Variants in MAP3K1 observed in about 807,000 individuals in gnomAD.
The protein encoded by MAP3K1 is MAP/ERK kinase kinase 1.
MAP3K1 carries 36 observed loss-of-function variants against 144.2 expected under a neutral mutation model. The ratio of observed to expected loss-of-function variants is 0.25; its 90% CI spans 0.19 to 0.33. The LOEUF is 0.33. Ranked by LOEUF, MAP3K1 falls within the 10% of genes least tolerant of loss-of-function variation. The pLI is 1.00. For missense variants in MAP3K1, 1,650 were observed against 1,881.9 expected (o/e 0.88, Z 2.28); for synonymous variants, 718 against 688.7 (o/e 1.04, Z -0.67).
Position 56,881,771 on chromosome 5 carries a change from G to A in MAP3K1, c.2571G>A (p.Met857Ile), listed in dbSNP as rs367884272. The A allele has an allele frequency of 1.8e-5, 29 of 1,614,106 alleles. No homozygotes were observed. The African/African-American group carries it at 2.9e-4, about 16-fold the overall frequency. The change falls in exon 14 of 20, where the codon ATG becomes ATA. Residue 857 changes from methionine (M) to isoleucine (I), a missense_variant. Transcript: ENST00000399503. ...THFTRMRRRL[M>I]AIADEVEIAE... is the part of the protein sequence containing the mutation. ...TCACCAGGATGCGTCGCCGTTTGAT[G>A]GCTATTGCAGATGAGGTGGAAATTG...
intron 10 of MAP3K1, among the ~76,000 whole-genome samples, chr5:56,877,513 A>G (rs1341364351): frequency 9.5e-6 from 1 of 104,734 alleles, no homozygotes; most frequent in Non-Finnish European, 2.0e-5. Flanking sequence ...CTCCCTCTGC[A>G]TATATAATTT....
intron 17 of MAP3K1, among the ~76,000 whole-genome samples, chr5:56,886,564 C>T (rs1748384138): frequency 6.6e-6 from 1 of 152,172 alleles, no homozygotes; most frequent in Non-Finnish European, 1.5e-5. Flanking sequence ...GAGGCTGTGC[C>T]TTTTCTACAG....
intron 1 of MAP3K1, among the ~76,000 whole-genome samples, chr5:56,843,716 C>T (rs571824514): frequency 3.3e-5 from 5 of 152,258 alleles, no homozygotes; most frequent in African/African-American, 7.2e-5. Flanking sequence ...GTTCATACAA[C>T]GAGACTACCC....
At chr5:56,818,611 A>G (rs1202543782) in intron 1 of MAP3K1, among the ~76,000 whole-genome samples, 1 of 152,168 alleles carries the variant, frequency 6.6e-6, no homozygotes, top group Non-Finnish European at 1.5e-5. Context: ...AGTGGCGCCC[A>G]AGGGTTTGGA....
intron 9 of MAP3K1, among the ~76,000 whole-genome samples, 161 bp from the exon 10 acceptor site, chr5:56,874,871 A>G (rs1370711034): frequency 6.6e-6 from 1 of 152,166 alleles, no homozygotes; most frequent in African/African-American, 2.4e-5. Context: ...ATTCTTCCTT[A>G]TGATGCTTAA....
intron 2 of MAP3K1, 51 bp downstream of exon 2, chr5:56,856,801 G>A (rs1234053040): frequency 1.7e-5 from 27 of 1,583,668 alleles, no homozygotes; most frequent in Non-Finnish European, 2.3e-5. Flanking sequence ...AGGAGGAAAT[G>A]GAAAAGTAAG....
chr5:56,879,718 G>T (rs1748148691), intron 11 of MAP3K1, among the ~76,000 whole-genome samples: 1 of 152,106 alleles, frequency 6.6e-6, no homozygotes, highest in African/African-American at 2.4e-5. Flanking sequence ...CAGACCAATG[G>T]TTCTCTTTTA....
intron 1 of MAP3K1, among the ~76,000 whole-genome samples, chr5:56,817,636 G>A (rs1746019270): frequency 6.6e-6 from 1 of 152,150 alleles, no homozygotes; most frequent in African/African-American, 2.4e-5. Flanking sequence ...TCCCATTTCT[G>A]TGCAGATTGT....
chr5:56,819,694 A>G (rs1746096264), intron 1 of MAP3K1, among the ~76,000 whole-genome samples: 1 of 152,198 alleles, frequency 6.6e-6, no homozygotes, highest in Admixed American at 6.5e-5. Context: ...GTGTCATGGA[A>G]AAGTAGTAGT....
intron 1 of MAP3K1, among the ~76,000 whole-genome samples, chr5:56,822,345 C>T (rs1220806705): frequency 6.6e-6 from 1 of 152,122 alleles, no homozygotes; most frequent in African/African-American, 2.4e-5. Flanking sequence ...TGTTTAATAG[C>T]AGTAGTTGGC....
intron 1 of MAP3K1, chr5:56,852,146 T>C (rs1747194024): frequency 6.6e-6 from 1 of 152,100 alleles, no homozygotes; most frequent in South Asian, 2.1e-4. Flanking sequence ...TTATGAAGTT[T>C]TTTTGTGCTA....
chr5:56,850,070 C>T (rs946958988), intron 1 of MAP3K1, among the ~76,000 whole-genome samples: 3 of 152,226 alleles, frequency 2.0e-5, no homozygotes, highest in African/African-American at 7.2e-5. Flanking sequence ...TTTCATTATG[C>T]TCTCCCTATC....
At position 56,882,590 on chromosome 5, in the gene MAP3K1, C is replaced by G. The variant is rs763353018; in HGVS notation, c.3390C>G (p.Ser1130=). The part of the protein sequence containing the change: ...CRLDVNTELN[S]SIEDLLEASM... Reference sequence around the variant, plus strand: ...TAGATGTCAATACAGAGCTCAACTCCAGTATTGAGGACCTTCTTGAAGCAT... The same window carrying G: ...TAGATGTCAATACAGAGCTCAACTCGAGTATTGAGGACCTTCTTGAAGCAT... The change falls in exon 14 of 20, where the codon TCC becomes TCG. Residue 1130 remains serine (S), a synonymous_variant. Coordinates refer to ENST00000399503, the MANE Select transcript of MAP3K1 (RefSeq NM_005921.2). The G allele has an allele frequency of 6.2e-7, 1 of 1,614,002 alleles. No homozygotes were observed. Among genetic ancestry groups the G allele is most frequent in the African/African-American group, 1.3e-5 (1 of 74,898 alleles).
In MAP3K1 at chr5:56,881,158, A is replaced by G. The variant is rs1748193736; in HGVS notation, c.2255A>G (p.Gln752Arg). 6.2e-7 allele frequency: 1 copy of G among 1,613,776 alleles called. No homozygotes were observed. The highest frequency in any genetic ancestry group is 1.3e-5 in the African/African-American group (1 of 74,916). Residue 752 changes from glutamine (Q) to arginine (R), a missense_variant, in exon 13 of 20, where the codon CAA becomes CGA. By Grantham distance (43) the Gln-to-Arg change is conservative. Around this residue, in one of 6 missense-constraint regions of MAP3K1, gnomAD observed 841 missense variants for 886.5 expected, o/e 0.95. Transcript: ENST00000399503. ...LGNQTESNNW[Q>R]ELLGRLCLID... ...AACCAAACTGAATCAAACAATTGGC[A>G]AGAACTTCTTGGCCGCCTTTGTCTT...
At chr5:56,825,433 T>C (rs1746283323) in intron 1 of MAP3K1, among the ~76,000 whole-genome samples, 1 of 152,224 alleles carries the variant, frequency 6.6e-6, no homozygotes, top group Admixed American at 6.5e-5. Context: ...TGCTGACTCA[T>C]TGATACTGTG....
chr5:56,866,468 A>AGT (rs902892657), intron 6 of MAP3K1, among the ~76,000 whole-genome samples: 8 of 152,014 alleles, frequency 5.3e-5, no homozygotes, highest in South Asian at 2.1e-4. Context: ...AGGTCATGTG[A>AGT]GTGTGTGTGT....
At position 56,888,367 on chromosome 5, in the gene MAP3K1, A is replaced by G. The variant is rs1219232128; in HGVS notation, c.4389+10A>G. On this transcript the variant is annotated intron_variant, in intron 19 of 19. Transcript: ENST00000399503. ...TGCTTTGATATTTAAGGTAATTGTG[A>G]GATAAAAATTACTTCTTTGTGCTAA... 1 of 1,613,570 alleles carries G rather than the reference A, an allele frequency of 6.2e-7. No individual in the cohort carries two copies. Among genetic ancestry groups the G allele is most frequent in the East Asian group, 2.2e-5 (1 of 44,844 alleles).
chr5:56,852,384 A>T (rs1170274650), intron 1 of MAP3K1, among the ~76,000 whole-genome samples: 1 of 152,190 alleles, frequency 6.6e-6, no homozygotes, highest in Non-Finnish European at 1.5e-5. Flanking sequence ...CTTGGTTTTT[A>T]ACAGGTGAGT....
rs752121515 is a variant in MAP3K1, at chr5:56,815,810, C to G, written c.237C>G (p.Phe79Leu). 7.0e-7 allele frequency: 1 copy of G among 1,422,806 alleles called. No homozygotes were observed. Among genetic ancestry groups the G allele is most frequent in the Admixed American group, 2.5e-5 (1 of 40,602 alleles). The allele number at this position is 1,422,806 out of a possible 1,614,324, so 88.1% of individuals were successfully genotyped here. A position where few individuals can be genotyped will look rare whatever the true frequency, so the allele number is the denominator to read the frequency against. ...ACCAGCTGCCTGAGCAGCCGCTCTT[C>G]CTTGCCGCCTCACCGCCGGCCTCCT... ...ELDQLPEQPL[F>L]LAASPPASST... Residue 79 changes from phenylalanine (F) to leucine (L), a missense_variant, in exon 1 of 20, where the codon TTC becomes TTG. Coordinates refer to ENST00000399503, the MANE Select transcript of MAP3K1 (RefSeq NM_005921.2).
Sources: gnomAD v4.1 joint callset for allele counts (sites outside exome capture counted in the v4.1 genomes callset) on GRCh38, gnomAD v4.1.1 for gene constraint, gnomAD v4.1.1 regional missense constraint, MANE v1.5 for transcripts, NCBI Gene and HGNC (gene_info 2026-07-23, HGNC 2026-07-21) for gene names.